The following FOCAD variants were observed in gnomAD, a reference collection of about 807,000 sequenced individuals.
The protein encoded by FOCAD is focadhesin, also known as KIAA1797.
Under a neutral mutation model 225.6 loss-of-function variants are expected in FOCAD, and 198 were observed. The observed-to-expected ratio is 0.88, with a 90% CI of 0.78 to 0.99. The LOEUF is 0.99. Ranked by LOEUF, FOCAD falls within the 50% of genes least tolerant of loss-of-function variation. The pLI is 0.00. For missense variants in FOCAD, 2,713 were observed against 2,123.6 expected (o/e 1.28, Z -5.46); for synonymous variants, 897 against 755.0 (o/e 1.19, Z -3.08).
chr9:20,810,357 A>G (rs1312007488), intron 11 of FOCAD, among the ~76,000 whole-genome samples: 1 of 152,124 alleles, frequency 6.6e-6, no homozygotes, highest in African/African-American at 2.4e-5. Context: ...TCCTCCTTCT[A>G]ACTCTGGTGT....
chr9:20,700,243 A>G (rs1225801900), intron 1 of FOCAD, among the ~76,000 whole-genome samples: 1 of 152,194 alleles, frequency 6.6e-6, no homozygotes, highest in Non-Finnish European at 1.5e-5. Flanking sequence ...TAGCAGATTA[A>G]GCACATAGCT....
intron 11 of FOCAD, among the ~76,000 whole-genome samples, chr9:20,801,971 A>G (rs1026002350): frequency 2.6e-5 from 4 of 152,092 alleles, no homozygotes; most frequent in East Asian, 1.9e-4. Flanking sequence ...ACCAATGACA[A>G]TTTTGAGCTT....
At chr9:20,964,298 C>T (rs532386816) in intron 35 of FOCAD, among the ~76,000 whole-genome samples, 7 of 151,940 alleles carry the variant, frequency 4.6e-5, no homozygotes, top group East Asian at 1.9e-4. Context: ...GCCTGGGTGG[C>T]GGAGTGAGCC....
intron 28 of FOCAD, among the ~76,000 whole-genome samples, 157 bp from the exon 29 acceptor site, chr9:20,944,469 CT>C (rs1836977895): frequency 6.6e-6 from 1 of 152,112 alleles, no homozygotes; most frequent in Non-Finnish European, 1.5e-5. Context: ...GGTATGTGTA[CT>C]TGTCATGGAT....
chr9:20,714,225 G>T (rs1825115820), intron 1 of FOCAD, among the ~76,000 whole-genome samples: 1 of 152,148 alleles, frequency 6.6e-6, no homozygotes, highest in South Asian at 2.1e-4. Context: ...GCTCCAATGA[G>T]CATTTCCTTT....
chr9:20,683,428 A>G (rs1822468289), upstream of FOCAD: 1 of 152,046 alleles, frequency 6.6e-6, no homozygotes. Context: ...GTCATCCACA[A>G]CCGGAATTCC....
chr9:20,901,083 G>C (rs1440775796), intron 21 of FOCAD, among the ~76,000 whole-genome samples: 2 of 151,690 alleles, frequency 1.3e-5, no homozygotes, highest in African/African-American at 4.8e-5. Context: ...ACTGTTGATG[G>C]AATACTGAAG....
chr9:20,913,386 G>A (rs950403011), intron 23 of FOCAD, among the ~76,000 whole-genome samples: 6 of 151,892 alleles, frequency 4.0e-5, no homozygotes, highest in African/African-American at 1.2e-4. Context: ...CAACTTTACC[G>A]TGTCATGGGT....
chr9:20,828,955 A>G (rs1825202762), intron 15 of FOCAD, among the ~76,000 whole-genome samples: 1 of 152,150 alleles, frequency 6.6e-6, no homozygotes, highest in South Asian at 2.1e-4. Flanking sequence ...TGTTCCTGCA[A>G]AGGACATGCT....
At chr9:20,825,146 C>T (rs148640019) in intron 15 of FOCAD, among the ~76,000 whole-genome samples, 10 of 138,984 alleles carry the variant, frequency 7.2e-5, no homozygotes, top group South Asian at 2.4e-4. Flanking sequence ...TCAAGCTTTG[C>T]GTGTGTGTGT....
At chr9:20,966,203 CA>C (rs1399052186) in intron 35 of FOCAD, among the ~76,000 whole-genome samples, 1 of 152,016 alleles carries the variant, frequency 6.6e-6, no homozygotes, top group Admixed American at 6.6e-5. Flanking sequence ...ACTTATTTTC[CA>C]TTATTATTAT....
chr9:20,842,902 G>A (rs1045144796), intron 15 of FOCAD, among the ~76,000 whole-genome samples: 1 of 151,468 alleles, frequency 6.6e-6, no homozygotes, highest in Non-Finnish European at 1.5e-5. Context: ...ATTGATTTGA[G>A]GTTATCATGA....
At chr9:20,890,670 AT>A (rs1464727618) in intron 21 of FOCAD, among the ~76,000 whole-genome samples, 6 of 151,848 alleles carry the variant, frequency 4.0e-5, no homozygotes, top group Non-Finnish European at 8.8e-5. Flanking sequence ...TATCAGGGTA[AT>A]TTTGTCCAAA....
At chr9:20,836,877 TC>T (rs1826042005) in intron 15 of FOCAD, among the ~76,000 whole-genome samples, 1 of 152,118 alleles carries the variant, frequency 6.6e-6, no homozygotes, top group African/African-American at 2.4e-5. Flanking sequence ...TGTTGACTGC[TC>T]TTTAATTGAT....
At chr9:20,894,934 T>C (rs1831947537) in intron 21 of FOCAD, among the ~76,000 whole-genome samples, 2 of 152,084 alleles carry the variant, frequency 1.3e-5, no homozygotes, top group African/African-American at 4.8e-5. Context: ...CTGTGTTATC[T>C]TCTAGGAATG....
At chr9:20,774,279 G>C (rs1175937760) in intron 8 of FOCAD, among the ~76,000 whole-genome samples, 3 of 152,158 alleles carry the variant, frequency 2.0e-5, no homozygotes, top group Non-Finnish European at 4.4e-5. Context: ...AGGATATTTT[G>C]TTTTTTGTTT....
At chr9:20,740,921 C>G (rs1250640682) in intron 5 of FOCAD, among the ~76,000 whole-genome samples, 1 of 152,156 alleles carries the variant, frequency 6.6e-6, no homozygotes, top group Non-Finnish European at 1.5e-5. Flanking sequence ...GGGAATCATA[C>G]TTCCTTGTGA....
chr9:20,793,031 T>C (rs1196748407), intron 11 of FOCAD, among the ~76,000 whole-genome samples: 1 of 152,210 alleles, frequency 6.6e-6, no homozygotes, highest in African/African-American at 2.4e-5. Flanking sequence ...TTGTACTCTG[T>C]TCTGTTGTTA....
chr9:20,925,390 C>T (rs35877181), intron 25 of FOCAD, among the ~76,000 whole-genome samples: 30,085 of 152,084 alleles, frequency 0.2, 3,598 homozygotes, highest in South Asian at 0.32. Context: ...TCCAGCCTCT[C>T]TTACTTTCTC....
Sources: allele counts gnomAD v4.1 joint callset (sites outside exome capture counted in the v4.1 genomes callset), GRCh38; gene constraint gnomAD v4.1.1; transcripts MANE v1.5; gene names NCBI Gene and HGNC (gene_info 2026-07-23, HGNC 2026-07-21).